Variants in ZNF184 observed in about 807,000 individuals in gnomAD.
The protein encoded by ZNF184 is zinc finger protein 184 (Kruppel-like).
Under a neutral mutation model 54.4 loss-of-function variants are expected in ZNF184, and 16 were observed. The observed-to-expected ratio is 0.29, with a 90% confidence interval of 0.20 to 0.45. ZNF184 has a LOEUF of 0.45. Among genes scored for constraint, ZNF184 ranks in the 20% least tolerant of loss-of-function variants. ZNF184 has a pLI of 1.00. For synonymous variants in ZNF184, 254 were observed against 295.3 expected (o/e 0.86, Z 1.43); for missense variants, 681 against 888.2 (o/e 0.77, Z 2.97).
At chr6:27,470,905 A>AAT (rs1188640641) in intron 2 of ZNF184, among the ~76,000 whole-genome samples, 4 of 152,136 alleles carry the variant, frequency 2.6e-5, no homozygotes, top group Non-Finnish European at 4.4e-5. Flanking sequence ...AGAAACTTAG[A>AAT]ATATATATAT....
chr6:27,460,806 C>T (rs1202199269), intron 3 of ZNF184, among the ~76,000 whole-genome samples: 1 of 152,132 alleles, frequency 6.6e-6, no homozygotes, highest in East Asian at 1.9e-4. Flanking sequence ...AGTTCCAGGA[C>T]ACTTTAGGAG....
intron 2 of ZNF184, among the ~76,000 whole-genome samples, chr6:27,470,441 A>T (rs1304660438): frequency 1.3e-5 from 2 of 152,344 alleles, no homozygotes; most frequent in East Asian, 3.9e-4. Context: ...CTTAATTTAT[A>T]TTAATGGTGT....
chr6:27,417,472 G>C, the ZNF184 span, among the ~76,000 whole-genome samples: 1 of 151,886 alleles, frequency 6.6e-6, no homozygotes, highest in South Asian at 2.1e-4. Flanking sequence ...TCATGAGACT[G>C]CCTCCCAAAC....
chr6:27,430,577 C>T, the ZNF184 span, among the ~76,000 whole-genome samples: 2 of 152,078 alleles, frequency 1.3e-5, no homozygotes, highest in African/African-American at 2.4e-5. Context: ...TGGAGTGATG[C>T]AGCCACAAGC....
Position 27,451,610 on chromosome 6 carries a change from G to A in ZNF184, c.1949C>T (p.Thr650Ile), listed in dbSNP as rs145402588. 5.3e-4 allele frequency: 856 copies of A among 1,614,104 alleles called. 1 individual carries two copies. Among genetic ancestry groups the A allele is most frequent in the Non-Finnish European group, 7.0e-4 (821 of 1,180,010 alleles). ...AGTTAGATGGGAGCTCTGGCTAAAG[G>A]TCTTTTCACATTTATTACACTGGTA... Reference protein sequence around the residue: ...KPYQCNKCEKTFSQSSHLTQH... With the variant: ...KPYQCNKCEKIFSQSSHLTQH... The change falls in exon 6 of 6, where the codon ACC becomes ATC. Residue 650 changes from threonine to isoleucine, a missense_variant. Physicochemically the swap from Thr to Ile is moderately conservative, Grantham distance 89 (BLOSUM62 -1). Coordinates refer to ENST00000683788, the MANE Select transcript of ZNF184 (RefSeq NM_001318891.2).
At chr6:27,424,256 T>C in the ZNF184 span, among the ~76,000 whole-genome samples, 1 of 152,224 alleles carries the variant, frequency 6.6e-6, no homozygotes, top group South Asian at 2.1e-4. Context: ...TGCAGACTTT[T>C]GTGATGACTT....
the ZNF184 span, among the ~76,000 whole-genome samples, chr6:27,411,933 G>T: frequency 6.6e-6 from 1 of 152,156 alleles, no homozygotes; most frequent in African/African-American, 2.4e-5. Flanking sequence ...AGGTGAGGAG[G>T]GGCATGACAG....
chr6:27,439,939 A>G, the ZNF184 span, among the ~76,000 whole-genome samples: 1 of 152,124 alleles, frequency 6.6e-6, no homozygotes, highest in African/African-American at 2.4e-5. Context: ...TACTTTTTGC[A>G]TTATTTATTA....
rs770839380 is a variant in ZNF184, at chr6:27,453,057, C to T, written c.502G>A (p.Glu168Lys). The T allele has an allele frequency of 2.7e-5, 44 of 1,613,990 alleles. No homozygotes were observed. The Middle Eastern group carries it at 5.0e-4, about 18-fold the overall frequency. Residue 168 changes from glutamate (E) to lysine (K), a missense_variant, in exon 6 of 6, where the codon GAA (glutamate) becomes AAA (lysine). Physicochemically the swap from Glu to Lys is moderately conservative, Grantham distance 56. Coordinates refer to ENST00000683788, the MANE Select transcript of ZNF184 (RefSeq NM_001318891.2). This position sits in a 1 kb window ranked among gnomAD's most constrained non-coding sequence, Gnocchi z 4.7. ...QTLPKEIKVT[E>K]KTIPSWEKGP... is the part of the protein sequence containing the mutation. ...TTTTCCCAACTGGGTATTGTCTTTT[C>T]GGTTACCTTTATTTCCTTTGGCAGT...
intron 2 of ZNF184, among the ~76,000 whole-genome samples, chr6:27,469,292 T>A (rs972803722): frequency 3.3e-5 from 5 of 152,158 alleles, no homozygotes; most frequent in African/African-American, 9.7e-5. Context: ...TTTCTCCTCT[T>A]AGAAATTTAA....
intron 3 of ZNF184, among the ~76,000 whole-genome samples, chr6:27,462,864 C>CAA (rs1275604769): frequency 5.7e-5 from 4 of 70,098 alleles, no homozygotes; most frequent in East Asian, 3.9e-4. Context: ...GACTCTGTCT[C>CAA]AAAAAAAAAA....
intron 2 of ZNF184, among the ~76,000 whole-genome samples, chr6:27,471,225 TC>T (rs1449770372): frequency 3.9e-5 from 6 of 152,156 alleles, no homozygotes; most frequent in African/African-American, 1.4e-4. Flanking sequence ...ATTCATCAAA[TC>T]CGCTAGTGGC....
downstream of ZNF184, chr6:27,450,643 G>T (rs1006518727): frequency 6.6e-6 from 1 of 151,652 alleles, no homozygotes; most frequent in African/African-American, 2.4e-5. Context: ...TAAGACACCA[G>T]GTGACTCCAA....
intron 3 of ZNF184, among the ~76,000 whole-genome samples, chr6:27,463,153 A>G (rs1763042734): frequency 1.4e-5 from 2 of 148,010 alleles, no homozygotes; most frequent in Admixed American, 6.7e-5. Flanking sequence ...GAGGGACAGC[A>G]TTAGGGGATA....
the ZNF184 span, among the ~76,000 whole-genome samples, chr6:27,440,960 G>A: frequency 6.6e-6 from 1 of 151,962 alleles, no homozygotes; most frequent in Non-Finnish European, 1.5e-5. Context: ...AGCCGAGATC[G>A]CGCCACTGCA....
Position 27,472,579 on chromosome 6 carries a change from G to A in ZNF184, c.-139-146C>T. 1 of 421,394 alleles carries A rather than the reference G, an allele frequency of 2.4e-6. No homozygotes were observed. Among genetic ancestry groups the A allele is most frequent in the South Asian group, 3.4e-5 (1 of 29,126 alleles). The allele number at this position is 421,394 out of a possible 1,614,324, so 26.1% of individuals were successfully genotyped here. On this transcript the variant is annotated intron_variant, in intron 1 of 5. Coordinates refer to ENST00000683788, the MANE Select transcript of ZNF184 (RefSeq NM_001318891.2). The surrounding 1 kb of genome is among the most constrained non-coding windows in gnomAD (Gnocchi z 4.8). ...GGCACTCCGATGAACAAAACAGAGT[G>A]GAGATCGGGTACGCGGGTTCTGCTT...
At chr6:27,447,945 T>C (rs903967903), downstream of ZNF184, among the ~76,000 whole-genome samples, 3 of 152,156 alleles carry the variant, frequency 2.0e-5, no homozygotes, top group African/African-American at 7.2e-5. Flanking sequence ...CTCAGGATAA[T>C]AGTCACCTTT....
intron 3 of ZNF184, among the ~76,000 whole-genome samples, chr6:27,460,866 G>A (rs557499568): frequency 2.3e-4 from 35 of 152,260 alleles, no homozygotes; most frequent in African/African-American, 8.2e-4. Context: ...AGGTCTGGTT[G>A]GCTCATTCCT....
chr6:27,435,636 T>C, the ZNF184 span, among the ~76,000 whole-genome samples: 1 of 152,218 alleles, frequency 6.6e-6, no homozygotes, highest in Non-Finnish European at 1.5e-5. Flanking sequence ...ATCTTTCTTT[T>C]TCTTAATTAA....
Sources: gnomAD v4.1 joint callset for allele counts (sites outside exome capture counted in the v4.1 genomes callset) on GRCh38, gnomAD v4.1.1 for gene constraint, Gnocchi (gnomAD v3.1) non-coding constraint, MANE v1.5 for transcripts, NCBI Gene and HGNC (gene_info 2026-07-23, HGNC 2026-07-21) for gene names.